Variants in GPR39 observed in about 807,000 individuals in gnomAD.
The protein encoded by GPR39 is zinc sensing receptor.
A neutral mutation model predicts 18.4 loss-of-function variants in GPR39; 23 were observed. The ratio of observed to expected loss-of-function variants is 1.25; its 90% CI spans 0.90 to 1.77. The LOEUF is 1.77. GPR39 is among the 40% of genes most tolerant of loss of function. The pLI is 0.00. For synonymous variants in GPR39, 280 were observed against 257.9 expected (o/e 1.09, Z -0.82); for missense variants, 647 against 602.4 (o/e 1.07, Z -0.78).
chr2:132,479,298 C>T (rs1423428309), intron 1 of GPR39, among the ~76,000 whole-genome samples: 3 of 152,152 alleles, frequency 2.0e-5, no homozygotes, highest in African/African-American at 7.2e-5. Context: ...AAATGTGACG[C>T]ATATGGTAAG....
intron 1 of GPR39, among the ~76,000 whole-genome samples, chr2:132,607,533 G>T (rs1408233414): frequency 6.6e-6 from 1 of 152,122 alleles, no homozygotes; most frequent in African/African-American, 2.4e-5. Context: ...CTATAATTTA[G>T]AGAACCTTGA....
intron 1 of GPR39, among the ~76,000 whole-genome samples, chr2:132,454,658 C>T (rs1199803142): frequency 6.6e-6 from 1 of 152,126 alleles, no homozygotes. Flanking sequence ...TACGTTCCAT[C>T]AATACCTAGT....
chr2:132,521,892 GTTC>G (rs1201322970), intron 1 of GPR39, among the ~76,000 whole-genome samples: 5 of 152,148 alleles, frequency 3.3e-5, no homozygotes, highest in Non-Finnish European at 5.9e-5. Flanking sequence ...GGAACAAAGT[GTTC>G]TTCTTCCCCC....
At chr2:132,608,409 C>T (rs1490760240) in intron 1 of GPR39, among the ~76,000 whole-genome samples, 1 of 152,190 alleles carries the variant, frequency 6.6e-6, no homozygotes, top group African/African-American at 2.4e-5. Context: ...CTGTCATTTC[C>T]AGGCACAATT....
At chr2:132,602,871 G>GAAAAAAAA (rs56271366) in intron 1 of GPR39, among the ~76,000 whole-genome samples, 2 of 137,974 alleles carry the variant, frequency 1.4e-5, no homozygotes, top group Non-Finnish European at 1.5e-5. Context: ...CTTAAAAAGA[G>GAAAAAAAA]AAAAAAAAAA....
intron 1 of GPR39, among the ~76,000 whole-genome samples, chr2:132,630,774 T>TG (rs1300074791): frequency 2.0e-5 from 3 of 151,886 alleles, no homozygotes; most frequent in Admixed American, 6.6e-5. Context: ...CGATTGGATG[T>TG]GGGGGTGAGA....
intron 1 of GPR39, among the ~76,000 whole-genome samples, chr2:132,616,039 C>T (rs1473792384): frequency 6.6e-6 from 1 of 151,960 alleles, no homozygotes; most frequent in African/African-American, 2.4e-5. Context: ...CAGCCTCCCT[C>T]CCTCCTGCAA....
intron 1 of GPR39, among the ~76,000 whole-genome samples, chr2:132,479,780 GA>G (rs1318903637): frequency 6.6e-6 from 1 of 152,160 alleles, no homozygotes; most frequent in African/African-American, 2.4e-5. Context: ...AGCCACTGTG[GA>G]AAACAGTATG....
At chr2:132,589,490 T>C (rs762775124) in intron 1 of GPR39, among the ~76,000 whole-genome samples, 7 of 152,238 alleles carry the variant, frequency 4.6e-5, no homozygotes, top group Non-Finnish European at 8.8e-5. Context: ...CTAATTTCAT[T>C]TGAACTAATA....
chr2:132,470,506 G>A (rs897079208), intron 1 of GPR39, among the ~76,000 whole-genome samples: 9 of 152,102 alleles, frequency 5.9e-5, no homozygotes, highest in Non-Finnish European at 1.0e-4. Context: ...GTAGGGTGCC[G>A]AGAGGTGGGG....
intron 1 of GPR39, among the ~76,000 whole-genome samples, chr2:132,578,301 G>A (rs535108825): frequency 9.2e-5 from 14 of 152,044 alleles, no homozygotes; most frequent in African/African-American, 3.1e-4. Flanking sequence ...CTTTGTTAAA[G>A]AACTTTATAT....
intron 1 of GPR39, among the ~76,000 whole-genome samples, chr2:132,626,282 G>A (rs6719342): frequency 0.17 from 26,591 of 152,134 alleles, 2,449 homozygotes; most frequent in Middle Eastern, 0.24. Context: ...ACCATGTACA[G>A]GGTCATTGGA....
chr2:132,463,033 A>G (rs1033436195), intron 1 of GPR39, among the ~76,000 whole-genome samples: 1 of 152,128 alleles, frequency 6.6e-6, no homozygotes. Context: ...GTATTTCTTC[A>G]TTTGTTCATC....
intron 1 of GPR39, among the ~76,000 whole-genome samples, chr2:132,602,580 A>G (rs1681061568): frequency 6.6e-6 from 1 of 152,124 alleles, no homozygotes; most frequent in African/African-American, 2.4e-5. Flanking sequence ...AAAGGAAACA[A>G]TGAAGTGGGT....
intron 1 of GPR39, among the ~76,000 whole-genome samples, chr2:132,467,329 T>G (rs1680944721): frequency 6.6e-6 from 1 of 152,196 alleles, no homozygotes; most frequent in African/African-American, 2.4e-5. Context: ...AAATACTGCA[T>G]GTTCTCGCTT....
At chr2:132,557,182 A>G (rs902794612) in intron 1 of GPR39, among the ~76,000 whole-genome samples, 1 of 152,024 alleles carries the variant, frequency 6.6e-6, no homozygotes, top group Non-Finnish European at 1.5e-5. Flanking sequence ...AGCTGGGCAT[A>G]TTGGTGGGCA....
At chr2:132,606,914 A>C (rs796323974) in intron 1 of GPR39, among the ~76,000 whole-genome samples, 17 of 152,300 alleles carry the variant, frequency 1.1e-4, no homozygotes, top group African/African-American at 4.1e-4. Flanking sequence ...CCAAGGGAGA[A>C]GTAGGCTCCA....
chr2:132,598,059 GC>G (rs1266656762), intron 1 of GPR39, among the ~76,000 whole-genome samples: 2 of 152,190 alleles, frequency 1.3e-5, no homozygotes, highest in African/African-American at 4.8e-5. Flanking sequence ...GCAAGTCGGG[GC>G]CACAGAAAAT....
intron 1 of GPR39, among the ~76,000 whole-genome samples, chr2:132,486,816 T>C (rs965509783): frequency 6.6e-6 from 1 of 152,250 alleles, no homozygotes; most frequent in Non-Finnish European, 1.5e-5. Flanking sequence ...CTTATTGATA[T>C]GTTCACTGGA....
Sources: gnomAD v4.1 joint callset for allele counts (sites outside exome capture counted in the v4.1 genomes callset) on GRCh38, gnomAD v4.1.1 for gene constraint, MANE v1.5 for transcripts, NCBI Gene and HGNC (gene_info 2026-07-23, HGNC 2026-07-21) for gene names.